The following MLXIP variants were observed in gnomAD, a reference collection of about 807,000 sequenced individuals.
MLXIP encodes the protein MLX interacting protein.
In MLXIP, 30 loss-of-function variants were observed where a neutral mutation model predicts 87.2. The ratio of observed to expected loss-of-function variants is 0.34; its 90% CI spans 0.26 to 0.47. The LOEUF is 0.47. Ranked by LOEUF, MLXIP falls within the 20% of genes least tolerant of loss-of-function variation. The probability of loss-of-function intolerance (pLI) is 1.00; values close to 1 mark genes in which losing one functional copy is unlikely to be tolerated. For missense variants in MLXIP, 1,002 were observed against 1,240.1 expected, an observed-to-expected ratio of 0.81 and a Z score of 2.88; for synonymous variants, 530 against 514.0, an observed-to-expected ratio of 1.03 and a Z score of -0.42.
At chr12:122,094,671 TG>T (rs1453918965) in intron 1 of MLXIP, among the ~76,000 whole-genome samples, 2 of 140,138 alleles carry the variant, frequency 1.4e-5, no homozygotes, top group South Asian at 2.4e-4. Flanking sequence ...TGTGTGCAGG[TG>T]TGTGTGCGAT....
chr12:122,097,844 G>GT (rs1555227853), intron 1 of MLXIP, among the ~76,000 whole-genome samples: 1 of 119,162 alleles, frequency 8.4e-6, no homozygotes, highest in African/African-American at 3.3e-5. Flanking sequence ...GAATCCATGG[G>GT]TTCCCCCTCC....
chr12:122,127,853 G>T, intron 2 of MLXIP, 30 bp from the exon 3 acceptor site: 1 of 1,599,882 alleles, frequency 6.3e-7, no homozygotes, highest in South Asian at 1.1e-5. Flanking sequence ...TCTGGATCAT[G>T]GTGCTGACTC....
chr12:122,087,715 C>T (rs181566559), intron 1 of MLXIP, among the ~76,000 whole-genome samples: 2 of 152,222 alleles, frequency 1.3e-5, no homozygotes, highest in African/African-American at 4.8e-5. Context: ...GGTTTATCTC[C>T]ACAGGGCGGC....
intron 5 of MLXIP, 68 bp downstream of exon 5, chr12:122,129,697 C>T (rs1952940935): frequency 6.3e-7 from 1 of 1,576,466 alleles, no homozygotes; most frequent in Non-Finnish European, 8.6e-7. Flanking sequence ...CGGTGGCCCA[C>T]CAGGGAGCCC....
chr12:122,119,573 A>G (rs1301339795), intron 1 of MLXIP, among the ~76,000 whole-genome samples: 1 of 152,058 alleles, frequency 6.6e-6, no homozygotes, highest in Non-Finnish European at 1.5e-5. Flanking sequence ...TTGTATTTTT[A>G]GTAGAGATGG....
intron 1 of MLXIP, among the ~76,000 whole-genome samples, chr12:122,125,026 T>C (rs888694447): frequency 6.6e-6 from 1 of 152,060 alleles, no homozygotes; most frequent in African/African-American, 2.4e-5. Flanking sequence ...ATTAGCTGGG[T>C]GTGGTGGCGC....
chr12:122,111,985 A>T (rs1168973293), intron 1 of MLXIP, among the ~76,000 whole-genome samples: 2 of 152,208 alleles, frequency 1.3e-5, no homozygotes, highest in East Asian at 3.8e-4. Flanking sequence ...TTATTTTGAG[A>T]TTTGTCAACA....
intron 1 of MLXIP, among the ~76,000 whole-genome samples, chr12:122,115,810 C>T (rs997145839): frequency 2.6e-4 from 39 of 151,940 alleles, no homozygotes; most frequent in Admixed American, 9.2e-4. Context: ...CCCAGTACTT[C>T]GGGAGGCTGA....
At chr12:122,117,833 G>A (rs550590598) in intron 1 of MLXIP, among the ~76,000 whole-genome samples, 2 of 152,170 alleles carry the variant, frequency 1.3e-5, no homozygotes, top group East Asian at 3.9e-4. Flanking sequence ...TATAAGTTAG[G>A]CACAGTAAGA....
In MLXIP at chr12:122,144,938, C is replaced by CAG. The variant is rs1416754280; in HGVS notation, c.*3126_*3127insAG. On this transcript the variant is annotated 3_prime_UTR_variant, in exon 17 of 17. Coordinates refer to ENST00000319080, the MANE Select transcript of MLXIP (RefSeq NM_014938.6). ...AAATCCAAAAAGAAAAACCAGAAGG[C>CAG]CTGCTGGCGTATAAATCCCTGGGCG... 6.6e-6 allele frequency: 1 copy of CAG among 152,220 alleles called. No individual in the cohort carries two copies. The highest frequency in any genetic ancestry group is 1.5e-5 in the Non-Finnish European group (1 of 68,090). The allele number at this position is 152,220 out of a possible 1,614,324, so 9.4% of individuals were successfully genotyped here.
rs370868261 is a variant in MLXIP at position 122,132,357 on chromosome 12, C to T, written c.1066C>T (p.Pro356Ser). ...ACCTGCATCTGCCTCAGCACCTGTA[C>T]CAGATCCCAACAACCCACCTGCACA... ...MLPASASAPV[P>S]DPNNPPAQES... Residue 356 changes from proline to serine, a missense_variant, in exon 8 of 17, where the codon CCA (proline) becomes TCA (serine). This residue lies in a region of MLXIP where 746 missense variants were observed against 897.0 expected (regional missense o/e 0.83). Transcript: ENST00000319080. The T allele has an allele frequency of 9.3e-6, 15 of 1,612,932 alleles. No homozygotes were observed. The highest frequency in any genetic ancestry group is 1.3e-5 in the Non-Finnish European group (15 of 1,179,440).
intron 1 of MLXIP, among the ~76,000 whole-genome samples, chr12:122,110,285 C>T (rs1488983855): frequency 6.6e-6 from 1 of 151,862 alleles, no homozygotes; most frequent in African/African-American, 2.4e-5. Flanking sequence ...AGATGCTTAT[C>T]TCTCTTTTTT....
chr12:122,085,269 A>G (rs1391517032), intron 1 of MLXIP, among the ~76,000 whole-genome samples: 3 of 152,108 alleles, frequency 2.0e-5, no homozygotes, highest in African/African-American at 7.3e-5. Flanking sequence ...CCGGCTTACC[A>G]GAATCCCTGC....
intron 1 of MLXIP, among the ~76,000 whole-genome samples, chr12:122,118,798 A>T (rs1187921334): frequency 4.0e-5 from 6 of 151,008 alleles, no homozygotes; most frequent in Non-Finnish European, 8.8e-5. Flanking sequence ...CAGTGAGCTG[A>T]GATTGCCACT....
intron 1 of MLXIP, among the ~76,000 whole-genome samples, chr12:122,103,195 G>T (rs1289331581): frequency 1.3e-4 from 10 of 77,908 alleles, no homozygotes; most frequent in South Asian, 4.4e-4. Flanking sequence ...ATGTATGTAT[G>T]TATGTATTTA....
Position 122,133,732 on chromosome 12 carries a change from A to T in MLXIP, c.1477A>T (p.Thr493Ser), listed in dbSNP as rs781014276. 2.5e-6 allele frequency: 4 copies of T among 1,612,420 alleles called. No homozygotes were observed. Among genetic ancestry groups the T allele is most frequent in the South Asian group, 1.1e-5 (1 of 90,966 alleles). ...CACCCACACGGCCTCTGCCACCCTC[A>T]CCCACGATGCCCCCGCCACCACCTT... The part of the protein sequence containing the change: ...VITHTASATL[T>S]HDAPATTFSQ... The change falls in exon 9 of 17, where the codon ACC becomes TCC. Residue 493 changes from threonine (T) to serine (S), a missense_variant. Physicochemically the swap from Thr to Ser is moderately conservative, Grantham distance 58. This residue lies in a region of MLXIP where 746 missense variants were observed against 897.0 expected (regional missense o/e 0.83). Transcript: ENST00000319080. This position sits in a 1 kb window ranked among gnomAD's most constrained non-coding sequence, Gnocchi z 4.9.
In MLXIP at chr12:122,106,019, G is replaced by T. The variant is rs1448170017; in HGVS notation, c.414-21237G>T. ...ACTTGCTCTTCTTTTTCAAGGATTT[G>T]CCTGTTGCCCAGGCCAGCCCCTGGC... On this transcript the variant is annotated intron_variant, in intron 1 of 16. Transcript: ENST00000319080. Among the ~76,000 whole-genome samples the T allele has an allele frequency of 3.9e-5, 6 of 152,256 alleles. No individual in the cohort carries two copies. In the East Asian group the frequency reaches 1.2e-3, roughly 29 times the overall value.
intron 1 of MLXIP, among the ~76,000 whole-genome samples, chr12:122,094,685 CTGTTGTG>C (rs1287772997): frequency 5.9e-5 from 6 of 101,872 alleles, no homozygotes; most frequent in Admixed American, 4.3e-4. Flanking sequence ...TGTGCGATGT[CTGTTGTG>C]TGTTGTGTGT....
intron 2 of MLXIP, 114 bp downstream of exon 2, chr12:122,127,476 A>C: frequency 1.3e-6 from 1 of 744,990 alleles, no homozygotes; most frequent in Non-Finnish European, 2.2e-6. Flanking sequence ...ACAGAAGTTC[A>C]GTCTGTGCAG....
Sources: gnomAD v4.1 joint callset for allele counts (sites outside exome capture counted in the v4.1 genomes callset) on GRCh38, gnomAD v4.1.1 for gene constraint, gnomAD v4.1.1 regional missense constraint, Gnocchi (gnomAD v3.1) non-coding constraint, MANE v1.5 for transcripts, NCBI Gene and HGNC (gene_info 2026-07-23, HGNC 2026-07-21) for gene names.